The following EFCAB11 variants were observed in gnomAD, a reference collection of about 807,000 sequenced individuals.
The protein encoded by EFCAB11 is EF-hand calcium-binding domain-containing protein 11.
Under a neutral mutation model 23.0 loss-of-function variants are expected in EFCAB11, and 14 were observed. That is an observed-to-expected ratio of 0.61 (90% CI 0.40 to 0.95). The LOEUF (loss-of-function observed/expected upper bound fraction) is 0.95, where lower values mean the gene tolerates loss of function less well. Among genes scored for constraint, EFCAB11 ranks in the 40% least tolerant of loss-of-function variants. The pLI is 0.00. For missense variants in EFCAB11, 198 were observed against 195.8 expected, an observed-to-expected ratio of 1.01 and a Z score of -0.07; for synonymous variants, 65 against 66.6, an observed-to-expected ratio of 0.98 and a Z score of 0.11.
rs116022802 is a variant in EFCAB11 at position 89,945,629 on chromosome 14, T to C, written c.217+4468A>G. On this transcript the variant is annotated intron_variant, in intron 3 of 5. Coordinates refer to ENST00000316738, the MANE Select transcript of EFCAB11 (RefSeq NM_145231.4). Reference sequence around the variant, plus strand: ...TTTGTACTTTAAATGTATTGACATGTTTAATGGCCCAGAGTATGACCAATT... The same window carrying C: ...TTTGTACTTTAAATGTATTGACATGCTTAATGGCCCAGAGTATGACCAATT... Among the ~76,000 whole-genome samples the C allele has an allele frequency of 5.1e-3, 770 of 152,340 alleles. 10 individuals carry two copies. The highest frequency in any genetic ancestry group is 0.018 in the African/African-American group (748 of 41,572).
At chr14:89,887,109 C>G (rs983574392) in intron 5 of EFCAB11, among the ~76,000 whole-genome samples, 35 of 152,098 alleles carry the variant, frequency 2.3e-4, no homozygotes, top group African/African-American at 8.5e-4. Flanking sequence ...TATTCAAGAA[C>G]AGACAACATC....
At chr14:89,923,523 T>C (rs1379046914) in intron 5 of EFCAB11, 1 of 234,044 alleles carries the variant, frequency 4.3e-6, no homozygotes, top group African/African-American at 2.3e-5. Context: ...GAAATAAAAG[T>C]TGGGACCTCA....
chr14:89,892,859 G>A (rs1428243133), intron 5 of EFCAB11, among the ~76,000 whole-genome samples: 2 of 152,030 alleles, frequency 1.3e-5, no homozygotes, highest in Non-Finnish European at 2.9e-5. Flanking sequence ...CCAAGACTGT[G>A]CCACTGCACT....
At chr14:89,847,370 G>A (rs1887460961) in intron 5 of EFCAB11, among the ~76,000 whole-genome samples, 1 of 152,092 alleles carries the variant, frequency 6.6e-6, no homozygotes, top group African/African-American at 2.4e-5. Context: ...TTGAACCACT[G>A]AGAACATTCA....
intron 3 of EFCAB11, among the ~76,000 whole-genome samples, chr14:89,933,660 G>C (rs952199934): frequency 6.6e-6 from 1 of 152,190 alleles, no homozygotes; most frequent in Admixed American, 6.5e-5. Context: ...ACTGTATTAA[G>C]CTTTGGAAAT....
intron 5 of EFCAB11, among the ~76,000 whole-genome samples, chr14:89,882,352 T>C (rs957983797): frequency 1.3e-5 from 2 of 152,324 alleles, no homozygotes; most frequent in South Asian, 2.1e-4. Flanking sequence ...AAATATGTTA[T>C]AGAATACTGA....
chr14:89,925,572 A>G (rs1191259886), intron 5 of EFCAB11, among the ~76,000 whole-genome samples: 1 of 152,022 alleles, frequency 6.6e-6, no homozygotes, highest in African/African-American at 2.4e-5. Flanking sequence ...AAAATGAAAC[A>G]TCATCTTTGA....
chr14:89,938,231 A>G (rs370720034), intron 3 of EFCAB11: 1 of 152,214 alleles, frequency 6.6e-6, no homozygotes, highest in East Asian at 1.9e-4. Context: ...GCCTGGTCCT[A>G]GATTTAGTAG....
At chr14:89,828,637 T>C (rs911899060) in intron 5 of EFCAB11, among the ~76,000 whole-genome samples, 3 of 152,166 alleles carry the variant, frequency 2.0e-5, no homozygotes, top group African/African-American at 4.8e-5. Context: ...TCAGAACTTA[T>C]GGGGTGTTTA....
chr14:89,836,341 T>C (rs1344195105), intron 5 of EFCAB11: 7 of 331,328 alleles, frequency 2.1e-5, no homozygotes, highest in Non-Finnish European at 3.6e-5. Flanking sequence ...CCAAAGCTCA[T>C]ACCCATTACC....
rs1169841625 is a variant in EFCAB11, at chr14:89,807,590, GC to G, written c.411-10267del. ...TATAAATATCAAGCCATTTGTAAAT[GC>G]CCTCCTAATTACATTGTTAGCCATT... is the stretch of plus-strand genomic sequence containing the variant. On this transcript the variant is annotated intron_variant, in intron 5 of 5. Transcript: ENST00000316738. Among the ~76,000 whole-genome samples the G allele has an allele frequency of 2.6e-5, 4 of 152,136 alleles. No individual in the cohort carries two copies. In the East Asian group the frequency reaches 5.8e-4, roughly 22 times the overall value.
At chr14:89,934,648 A>ATT (rs138628172) in intron 3 of EFCAB11, among the ~76,000 whole-genome samples, 1 of 152,014 alleles carries the variant, frequency 6.6e-6, no homozygotes, top group African/African-American at 2.4e-5. Context: ...CATATGTAGC[A>ATT]TTTTTTTCCA....
chr14:89,860,050 T>C (rs1887873721), intron 5 of EFCAB11, among the ~76,000 whole-genome samples: 1 of 152,208 alleles, frequency 6.6e-6, no homozygotes, highest in Non-Finnish European at 1.5e-5. Context: ...TTTCCTTTAT[T>C]GGCTCCTTTT....
intron 5 of EFCAB11, among the ~76,000 whole-genome samples, chr14:89,824,641 T>A (rs1886631462): frequency 6.6e-6 from 1 of 152,024 alleles, no homozygotes; most frequent in African/African-American, 2.4e-5. Context: ...CTTAGGAAAT[T>A]CACTTTAAAT....
At chr14:89,874,528 C>T (rs867742743) in intron 5 of EFCAB11, among the ~76,000 whole-genome samples, 32 of 152,252 alleles carry the variant, frequency 2.1e-4, no homozygotes, top group South Asian at 6.2e-4. Flanking sequence ...TTTTTTTATG[C>T]TCTGCTTCCC....
intron 5 of EFCAB11, among the ~76,000 whole-genome samples, chr14:89,875,373 A>T (rs1027270680): frequency 6.6e-6 from 1 of 152,144 alleles, no homozygotes; most frequent in Non-Finnish European, 1.5e-5. Context: ...TGAACCTACA[A>T]TTCAAGATGA....
intron 5 of EFCAB11, among the ~76,000 whole-genome samples, chr14:89,807,991 G>C (rs1406681361): frequency 6.6e-6 from 1 of 152,186 alleles, no homozygotes; most frequent in Admixed American, 6.5e-5. Context: ...AAACGAGTGG[G>C]GATGGAATAG....
chr14:89,925,792 C>T (rs1265057095), intron 5 of EFCAB11, among the ~76,000 whole-genome samples: 2 of 151,472 alleles, frequency 1.3e-5, no homozygotes, highest in Non-Finnish European at 2.9e-5. Context: ...TCTACAGGCA[C>T]GTGCCACCAC....
Position 89,796,046 on chromosome 14 carries a change from GGCAGCTGA to G in EFCAB11, c.*1189_*1196del, listed in dbSNP as rs1399815319. ...AGAAACCAGGGGGTATGGAGCAGAGGGCAGCTGAGCAGCTCAAGGCTTGCTTCTCCACA... is the reference window on the plus strand; with the variant it reads ...AGAAACCAGGGGGTATGGAGCAGAGGGCAGCTCAAGGCTTGCTTCTCCACA... On this transcript the variant is annotated 3_prime_UTR_variant, in exon 6 of 6. Coordinates refer to ENST00000316738, the MANE Select transcript of EFCAB11 (RefSeq NM_145231.4). The G allele has an allele frequency of 6.6e-6, 1 of 152,382 alleles. No homozygotes were observed. The highest frequency in any genetic ancestry group is 1.9e-4 in the East Asian group (1 of 5,194). The allele number at this position is 152,382 out of a possible 1,614,324, so 9.4% of individuals were successfully genotyped here.
Sources: gnomAD v4.1 joint callset for allele counts (sites outside exome capture counted in the v4.1 genomes callset) on GRCh38, gnomAD v4.1.1 for gene constraint, MANE v1.5 for transcripts, NCBI Gene and HGNC (gene_info 2026-07-23, HGNC 2026-07-21) for gene names.